TMC4: variants seen among roughly 807,000 people sequenced by gnomAD.
TMC4 encodes the protein voltage-gated chloride channel TMC4.
A neutral mutation model predicts 82.0 loss-of-function variants in TMC4; 70 were observed. The observed-to-expected ratio is 0.85, with a 90% CI of 0.70 to 1.04. The LOEUF is 1.04. Ranked by LOEUF, TMC4 falls within the 50% of genes least tolerant of loss-of-function variation. The probability of loss-of-function intolerance (pLI) is 0.00; values close to 1 mark genes in which losing one functional copy is unlikely to be tolerated. For synonymous variants in TMC4, 446 were observed against 406.0 expected (o/e 1.10, Z -1.18); for missense variants, 879 against 899.0 (o/e 0.98, Z 0.28).
rs2075826596 is a variant in TMC4, at chr19:54,169,367, A to T, written c.442+145T>A. 3.7e-6 allele frequency: 4 copies of T among 1,080,800 alleles called. No homozygotes were observed. The East Asian group carries it at 1.1e-4, about 29-fold the overall frequency. 67.0% of individuals were successfully genotyped at this position (1,080,800 alleles called of 1,614,324 possible). ...GCCTTTCTCAGACCCAAGAGTCCAGACCCCCAGCCCCTCCTCCCTCAGACC... is the reference window on the plus strand; with the variant it reads ...GCCTTTCTCAGACCCAAGAGTCCAGTCCCCCAGCCCCTCCTCCCTCAGACC... On this transcript the variant is annotated intron_variant, in intron 3 of 14. Transcript: ENST00000619895.
rs1301153470 is a variant in TMC4 at position 54,168,439 on chromosome 19, G to A, written c.675+9C>T. Reference sequence around the variant, plus strand: ...GGGCGGGGAATCCCCCAGGGACCCAGGCACCTACCTCACCCGAGAGCAAGT... The same window carrying A: ...GGGCGGGGAATCCCCCAGGGACCCAAGCACCTACCTCACCCGAGAGCAAGT... On this transcript the variant is annotated intron_variant, in intron 4 of 14. Transcript: ENST00000619895. 6.5e-7 allele frequency: 1 copy of A among 1,538,048 alleles called. No individual in the cohort carries two copies. The highest frequency in any genetic ancestry group is 8.8e-7 in the Non-Finnish European group (1 of 1,140,644).
At chr19:54,162,079 C>G (rs760989445) in intron 11 of TMC4, 23 bp downstream of exon 11, 4 of 1,588,938 alleles carry the variant, frequency 2.5e-6, no homozygotes, top group Non-Finnish European at 3.4e-6. Flanking sequence ...GCCTCAGACC[C>G]AAGGGTCCCC....
chr19:54,160,471 T>C lies in TMC4; in HGVS notation c.2048A>G (p.Glu683Gly), dbSNP rs2075514143. 1 of 1,613,666 alleles carries C rather than the reference T, an allele frequency of 6.2e-7. No individual in the cohort carries two copies. Among genetic ancestry groups the C allele is most frequent in the African/African-American group, 1.3e-5 (1 of 74,920 alleles). ...TCAGGGACCCGCCTGGCTCACCGTC[T>C]CTCTCTGACGTTTGAGCTCAGAGAT... ...RLISELKRQR[E>G]TEAQNKVFLA... is the part of the protein sequence containing the mutation. The change falls in exon 14 of 15, where the codon GAG (glutamate) becomes GGG (glycine). Residue 683 changes from glutamate (E) to glycine (G), a missense_variant. Coordinates refer to ENST00000619895, the MANE Select transcript of TMC4 (RefSeq NM_144686.4).
In TMC4 at chr19:54,163,214, T is replaced by A. The variant is rs762453350; in HGVS notation, c.1278-55A>T. On this transcript the variant is annotated intron_variant, in intron 8 of 14. Coordinates refer to ENST00000619895, the MANE Select transcript of TMC4 (RefSeq NM_144686.4). The stretch of plus-strand genomic sequence containing the variant: ...TGACCCGGTACCCACCATGTGGCAG[T>A]TCCCTTCTCAGTGGAACGCGCCCGC... 678 of 1,605,626 alleles carry A rather than the reference T, an allele frequency of 4.2e-4. 1 individual carries two copies. Among genetic ancestry groups the A allele is most frequent in the Non-Finnish European group, 5.4e-4 (639 of 1,174,826 alleles).
chr19:54,165,398 G>T, intron 6 of TMC4, 21 bp downstream of exon 6: 1 of 1,580,190 alleles, frequency 6.3e-7, no homozygotes. Context: ...CCCAGTTGCA[G>T]ACCCCGCTCC....
At chr19:54,172,830 T>A (rs2075942235) in intron 1 of TMC4, 1 of 532,794 alleles carries the variant, frequency 1.9e-6, no homozygotes. Flanking sequence ...CCTCCCCTCC[T>A]CCCAGACTAG....
intron 8 of TMC4, 123 bp downstream of exon 8, chr19:54,163,600 GA>G: frequency 8.1e-7 from 1 of 1,227,806 alleles, no homozygotes; most frequent in South Asian, 1.2e-5. Flanking sequence ...CTGGCCAACA[GA>G]GTCAGGATTT....
intron 2 of TMC4, among the ~76,000 whole-genome samples, chr19:54,170,958 A>G (rs1357403348): frequency 6.6e-6 from 1 of 152,074 alleles, no homozygotes; most frequent in Non-Finnish European, 1.5e-5. Flanking sequence ...TATGTTACTC[A>G]GGCCGCAGTA....
Position 54,162,246 on chromosome 19 carries a change from C to T in TMC4, c.1542G>A (p.Leu514=). Residue 514 remains leucine, a synonymous_variant, in exon 11 of 15, where the codon CTG becomes CTA. Transcript: ENST00000619895. ...GCACCTGGAACTCTTGGGTCCCCGC[C>T]AGACGACCCAGCGCCCCAGGACAGA... is the stretch of plus-strand genomic sequence containing the variant. The part of the protein sequence containing the change: ...CGLCPGALGR[L]AGTQEFQVPD... 6.2e-7 allele frequency: 1 copy of T among 1,607,194 alleles called. No individual in the cohort carries two copies. The highest frequency in any genetic ancestry group is 8.5e-7 in the Non-Finnish European group (1 of 1,177,362).
chr19:54,169,076 C>T (rs2075820468), intron 3 of TMC4, among the ~76,000 whole-genome samples: 1 of 136,910 alleles, frequency 7.3e-6, no homozygotes, highest in African/African-American at 2.8e-5. Flanking sequence ...CTCTGCCGCC[C>T]AGCATGGAGT....
chr19:54,165,373 C>G, intron 6 of TMC4, 46 bp downstream of exon 6: 1 of 1,546,884 alleles, frequency 6.5e-7, no homozygotes, highest in East Asian at 2.3e-5. Flanking sequence ...TCAGCCCGGT[C>G]CTGTCTGGTC....
At chr19:54,162,599 G>T in intron 10 of TMC4, 74 bp downstream of exon 10, 2 of 1,242,442 alleles carry the variant, frequency 1.6e-6, no homozygotes, top group South Asian at 2.5e-5. Flanking sequence ...AAGGTGCGCG[G>T]TGAAAAGAAC....
At chr19:54,167,856 T>G (rs1392534416) in intron 5 of TMC4, among the ~76,000 whole-genome samples, 1 of 150,932 alleles carries the variant, frequency 6.6e-6, no homozygotes, top group African/African-American at 2.4e-5. Context: ...AGGTCAGCAG[T>G]TCAAGACCAG....
intron 1 of TMC4, chr19:54,172,801 CA>C (rs1365564301): frequency 1.7e-5 from 8 of 484,198 alleles, no homozygotes; most frequent in Non-Finnish European, 2.6e-5. Context: ...CCAAGACACC[CA>C]AACTCCCAGC....
rs1600600484 is a variant in TMC4, at chr19:54,172,040, G to C, written c.123C>G (p.Ala41=). Residue 41 remains alanine, a synonymous_variant, in exon 2 of 15, where the codon GCC becomes GCG. Transcript: ENST00000619895. ...CCCCAGGGTCTCGGTACCGAAGGGT[G>C]GCAGCACTGGGCAGCTCGTTCAGCA... ...SSVLNELPSA[A]TLRYRDPGVL... The C allele has an allele frequency of 2.5e-6, 4 of 1,612,392 alleles. No homozygotes were observed. Among genetic ancestry groups the C allele is most frequent in the Non-Finnish European group, 3.4e-6 (4 of 1,179,100 alleles).
In TMC4 at chr19:54,168,880, TTCTTTTC is replaced by T. The variant is rs2075793824; in HGVS notation, c.443-207_443-201del. 4.7e-5 allele frequency among the ~76,000 whole-genome samples: 2 copies of T among 42,244 alleles called. 1 individual carries two copies. The highest frequency in any genetic ancestry group is 8.5e-5 in the Non-Finnish European group (2 of 23,482). 27.7% of individuals were successfully genotyped at this position (42,244 alleles called of 152,430 possible). ...TTCTTTTCTTTTCTTTTCTTTTCTT[TTCTTTTC>T]TTTCTTTCCTTTCTTTCTTCTTTCT... On this transcript the variant is annotated intron_variant, in intron 3 of 14. Coordinates refer to ENST00000619895, the MANE Select transcript of TMC4 (RefSeq NM_144686.4).
rs781901191 is a variant in TMC4, at chr19:54,160,287, G to T, written c.*19C>A. 1.3e-6 allele frequency: 2 copies of T among 1,512,202 alleles called. No individual in the cohort carries two copies. Among genetic ancestry groups the T allele is most frequent in the Admixed American group, 4.5e-5 (2 of 44,090 alleles). The allele number at this position is 1,512,202 out of a possible 1,614,324, so 93.7% of individuals were successfully genotyped here. ...TACAATGGGCCTGGGGTCTGAAAGC[G>T]GGACGTGGGCTGCGGGGGTCAAAGA... is the stretch of plus-strand genomic sequence containing the variant. On this transcript the variant is annotated 3_prime_UTR_variant, in exon 15 of 15. Coordinates refer to ENST00000619895, the MANE Select transcript of TMC4 (RefSeq NM_144686.4).
Position 54,165,725 on chromosome 19 carries a change from C to T in TMC4, c.798-159G>A, listed in dbSNP as rs73936627. Among the ~76,000 whole-genome samples, 452 of 152,118 alleles carry T rather than the reference C, an allele frequency of 3.0e-3. 1 individual carries two copies. The highest frequency in any genetic ancestry group is 0.01 in the African/African-American group (432 of 41,504). The stretch of plus-strand genomic sequence containing the variant: ...CCAGATGGGGAAAGAGTCAAAGAGG[C>T]GGAGACACAGTCATTGAAGGCAAAG... On this transcript the variant is annotated intron_variant, in intron 5 of 14. Transcript: ENST00000619895.
intron 10 of TMC4, 150 bp downstream of exon 10, chr19:54,162,523 C>T (rs942440947): frequency 2.7e-6 from 2 of 734,846 alleles, no homozygotes; most frequent in Non-Finnish European, 4.6e-6. Flanking sequence ...AAAACAAGGG[C>T]GGGGAGCGGG....
Sources: gnomAD v4.1 joint callset for allele counts (sites outside exome capture counted in the v4.1 genomes callset) on GRCh38, gnomAD v4.1.1 for gene constraint, MANE v1.5 for transcripts, NCBI Gene and HGNC (gene_info 2026-07-23, HGNC 2026-07-21) for gene names.